Variants in GLG1 observed in about 807,000 individuals in gnomAD.
The protein encoded by GLG1 is golgi glycoprotein 1, also known as Golgi apparatus protein 1.
A neutral mutation model predicts 160.5 loss-of-function variants in GLG1; 38 were observed. The ratio of observed to expected loss-of-function variants is 0.24; its 90% CI spans 0.18 to 0.31. GLG1 has a LOEUF of 0.31. Ranked by LOEUF, GLG1 falls within the 10% of genes least tolerant of loss-of-function variation. GLG1 has a pLI of 1.00. For missense variants in GLG1, 1,373 were observed against 1,505.2 expected (o/e 0.91, Z 1.45); for synonymous variants, 644 against 543.4 (o/e 1.19, Z -2.57).
intron 6 of GLG1, among the ~76,000 whole-genome samples, chr16:74,494,131 G>A (rs1484059925): frequency 1.3e-5 from 2 of 150,984 alleles, no homozygotes; most frequent in Non-Finnish European, 2.9e-5. Flanking sequence ...GCCGAATCAT[G>A]CCACTGCACC....
intron 1 of GLG1, among the ~76,000 whole-genome samples, chr16:74,604,126 C>T (rs1327127432): frequency 6.6e-6 from 1 of 152,032 alleles, no homozygotes; most frequent in Non-Finnish European, 1.5e-5. Flanking sequence ...AAGACTGAGG[C>T]TGCAGTGAGC....
chr16:74,489,110 G>A (rs549103567), intron 8 of GLG1, among the ~76,000 whole-genome samples: 10 of 152,214 alleles, frequency 6.6e-5, no homozygotes, highest in East Asian at 1.9e-4. Context: ...TAGGTGCCTC[G>A]AAATAAAGTC....
In GLG1 at chr16:74,463,732, TTTGTTG is replaced by T. The variant is rs72240229; in HGVS notation, c.2668-259_2668-254del. 2.0e-5 allele frequency among the ~76,000 whole-genome samples: 3 copies of T among 151,244 alleles called. No homozygotes were observed. In the East Asian group the frequency reaches 5.9e-4, roughly 30 times the overall value. ...ACGCCCAGCTCATTTTTGTGTTTTT[TTTGTTG>T]TTGTTGTTGTTGTTTTAGCAGAGAT... On this transcript the variant is annotated intron_variant, in intron 19 of 25. Coordinates refer to ENST00000422840, the MANE Select transcript of GLG1 (RefSeq NM_001145667.2).
intron 24 of GLG1, 71 bp downstream of exon 24, chr16:74,457,803 A>T (rs763725146): frequency 7.0e-7 from 1 of 1,420,574 alleles, no homozygotes; most frequent in Non-Finnish European, 9.8e-7. Context: ...GCTGCAACTG[A>T]TGTCTAAGAG....
rs922659751 is a variant in GLG1 at position 74,574,320 on chromosome 16, T to C, written c.438+32337A>G. On this transcript the variant is annotated intron_variant, in intron 1 of 25. Transcript: ENST00000422840. ...TAAACAGGTTTTCTGGTTAATGTTCTTCTACGGTATATTCAGCAAAATATT... is the reference window on the plus strand; with the variant it reads ...TAAACAGGTTTTCTGGTTAATGTTCCTCTACGGTATATTCAGCAAAATATT... Among the ~76,000 whole-genome samples, 24 of 152,238 alleles carry C rather than the reference T, an allele frequency of 1.6e-4. 1 individual carries two copies. Among genetic ancestry groups the C allele is most frequent in the Admixed American group, 1.4e-3 (22 of 15,286 alleles).
intron 2 of GLG1, among the ~76,000 whole-genome samples, chr16:74,514,183 C>T (rs2016904281): frequency 6.6e-6 from 1 of 152,166 alleles, no homozygotes; most frequent in Admixed American, 6.6e-5. Context: ...CTGAAAGTGA[C>T]AGGGAGAATG....
At chr16:74,576,603 C>A (rs940694273) in intron 1 of GLG1, among the ~76,000 whole-genome samples, 1 of 152,160 alleles carries the variant, frequency 6.6e-6, no homozygotes, top group Non-Finnish European at 1.5e-5. Flanking sequence ...GGTTGTGGGG[C>A]TGGATCTGTC....
rs1246237116 is a variant in GLG1, at chr16:74,515,490, T to C, written c.472-6565A>G. 2.0e-5 allele frequency among the ~76,000 whole-genome samples: 3 copies of C among 151,988 alleles called. No homozygotes were observed. The South Asian group carries it at 6.2e-4, about 32-fold the overall frequency. ...TCAAAGTAGAACTCAGGATTAAATA[T>C]CTCACTCAAAACCGCACAACTACAT... On this transcript the variant is annotated intron_variant, in intron 2 of 25. Transcript: ENST00000422840.
At chr16:74,459,627 G>C in intron 23 of GLG1, 55 bp downstream of exon 23, 1 of 897,208 alleles carries the variant, frequency 1.1e-6, no homozygotes, top group Non-Finnish European at 1.8e-6. Context: ...TTAAAAGGAA[G>C]AAGAGAAAAA....
At chr16:74,553,029 GC>G (rs971149709) in intron 1 of GLG1, among the ~76,000 whole-genome samples, 1 of 152,050 alleles carries the variant, frequency 6.6e-6, no homozygotes, top group Non-Finnish European at 1.5e-5. Context: ...GACCAGCCTG[GC>G]CAACATGATG....
At chr16:74,555,251 CTT>C (rs1344483912) in intron 1 of GLG1, among the ~76,000 whole-genome samples, 1 of 152,066 alleles carries the variant, frequency 6.6e-6, no homozygotes, top group African/African-American at 2.4e-5. Flanking sequence ...ATAATCTTGT[CTT>C]ATCTAGTGGT....
Position 74,453,315 on chromosome 16 carries a change from A to G in GLG1, c.3392T>C (p.Phe1131Ser). The change falls in exon 26 of 26, where the codon TTC becomes TCC. Residue 1131 changes from phenylalanine to serine, a missense_variant. Phe to Ser is a radical substitution (Grantham distance 155). Around this residue, in one of 4 missense-constraint regions of GLG1, gnomAD observed 491 missense variants for 632.1 expected, o/e 0.78. Transcript: ENST00000422840. ...CATTACTTGCATGGCAAGATCAGAG[A>G]AGCCATCTGCTGGGGCCACCTAGAA... ...YAAKVAPADGFSDLAMQVMTS... is the reference protein window; with the variant it reads ...YAAKVAPADGSSDLAMQVMTS... 6.2e-7 allele frequency: 1 copy of G among 1,613,230 alleles called. No homozygotes were observed. The highest frequency in any genetic ancestry group is 8.5e-7 in the Non-Finnish European group (1 of 1,179,224).
chr16:74,587,243 G>C (rs995332619), intron 1 of GLG1, among the ~76,000 whole-genome samples: 1 of 152,188 alleles, frequency 6.6e-6, no homozygotes, highest in South Asian at 2.1e-4. Flanking sequence ...TGATTACCTA[G>C]CTTACTGTAT....
intron 2 of GLG1, among the ~76,000 whole-genome samples, chr16:74,511,585 T>A (rs66500142): frequency 0.34 from 27,593 of 80,986 alleles, 3,429 homozygotes; most frequent in East Asian, 0.47. Context: ...CTTTTTTTTT[T>A]AAAAAAAAAA....
intron 1 of GLG1, among the ~76,000 whole-genome samples, chr16:74,557,320 C>T (rs954234456): frequency 1.3e-5 from 2 of 152,086 alleles, no homozygotes; most frequent in Non-Finnish European, 2.9e-5. Context: ...TGAAGTAAAG[C>T]TGTGAGACTC....
At chr16:74,533,406 C>T (rs1421425727) in intron 1 of GLG1, among the ~76,000 whole-genome samples, 1 of 152,226 alleles carries the variant, frequency 6.6e-6, no homozygotes, top group African/African-American at 2.4e-5. Flanking sequence ...TATTACATAG[C>T]TTTGCAATAC....
chr16:74,595,409 C>G (rs553701386), intron 1 of GLG1, among the ~76,000 whole-genome samples: 1 of 151,638 alleles, frequency 6.6e-6, no homozygotes, highest in African/African-American at 2.4e-5. Flanking sequence ...TGGTGGCGGG[C>G]GCCTGTAGTC....
intron 1 of GLG1, among the ~76,000 whole-genome samples, chr16:74,565,256 G>C (rs570722453): frequency 6.6e-6 from 1 of 152,154 alleles, no homozygotes; most frequent in South Asian, 2.1e-4. Context: ...TTGAACCCAG[G>C]GGGCAGAAGT....
At chr16:74,476,239 T>C (rs2015386956) in intron 12 of GLG1, among the ~76,000 whole-genome samples, 1 of 152,120 alleles carries the variant, frequency 6.6e-6, no homozygotes, top group Admixed American at 6.5e-5. Context: ...TGCAATGTAG[T>C]GCAGCTTTCT....
Sources: gnomAD v4.1 joint callset for allele counts (sites outside exome capture counted in the v4.1 genomes callset) on GRCh38, gnomAD v4.1.1 for gene constraint, gnomAD v4.1.1 regional missense constraint, MANE v1.5 for transcripts, NCBI Gene and HGNC (gene_info 2026-07-23, HGNC 2026-07-21) for gene names.